Variants in CHCHD2 observed in about 807,000 individuals in gnomAD.
The protein encoded by CHCHD2 is coiled-coil-helix-coiled-coil-helix domain containing 2.
A neutral mutation model predicts 17.5 loss-of-function variants in CHCHD2; 17 were observed. The observed-to-expected ratio is 0.97, with a 90% CI of 0.67 to 1.46. The LOEUF (loss-of-function observed/expected upper bound fraction) is 1.46. CHCHD2 is among the 40% of genes most tolerant of loss of function. The pLI, the probability that CHCHD2 is intolerant of heterozygous loss-of-function variation, is 0.00. For synonymous variants in CHCHD2, 63 were observed against 74.3 expected, an observed-to-expected ratio of 0.85 and a Z score of 0.78; for missense variants, 175 against 199.9, an observed-to-expected ratio of 0.88 and a Z score of 0.75.
At chr7:56,102,736 G>T in intron 3 of CHCHD2, 131 bp downstream of exon 3, 1 of 947,408 alleles carries the variant, frequency 1.1e-6, no homozygotes, top group Non-Finnish European at 1.6e-6. Context: ...CGGCCCAGTT[G>T]TTAGGAGTTA....
chr7:56,104,316 A>T lies in CHCHD2; in HGVS notation c.210T>A (p.Ser70=). The change falls in exon 2 of 4, where the codon TCT becomes TCA. Residue 70 remains serine (S), a synonymous_variant. Coordinates refer to ENST00000395422, the MANE Select transcript of CHCHD2 (RefSeq NM_016139.4). ...CGTGACCCAATGTGTGCCCCACAGCAGAGCCCACAGCCACGCCAGCTGCAG... is the reference window on the plus strand; with the variant it reads ...CGTGACCCAATGTGTGCCCCACAGCTGAGCCCACAGCCACGCCAGCTGCAG... ...ATTAAGVAVG[S]AVGHTLGHAI... is the part of the protein sequence containing the mutation. The T allele has an allele frequency of 6.2e-7, 1 of 1,613,818 alleles. No homozygotes were observed. Among genetic ancestry groups the T allele is most frequent in the South Asian group, 1.1e-5 (1 of 91,078 alleles).
intron 3 of CHCHD2, chr7:56,102,576 C>G (rs1283124832): frequency 3.5e-6 from 1 of 283,620 alleles, no homozygotes; most frequent in East Asian, 7.9e-5. Context: ...CCATGTTGGC[C>G]AGGCTGGCCT....
At chr7:56,102,776 C>A in intron 3 of CHCHD2, 91 bp downstream of exon 3, 1 of 1,382,430 alleles carries the variant, frequency 7.2e-7, no homozygotes, top group South Asian at 1.2e-5. Context: ...AAAGTCTTCT[C>A]TAATTTATTA....
At chr7:56,106,232 C>G in intron 1 of CHCHD2, 132 bp downstream of exon 1, 1 of 742,126 alleles carries the variant, frequency 1.3e-6, no homozygotes, top group Admixed American at 3.1e-5. Flanking sequence ...TTCAATCTAC[C>G]CCCGCCTGGC....
rs780172272 is a variant in CHCHD2 at position 56,104,474 on chromosome 7, G to T, written c.52C>A (p.Arg18=). 1.3e-6 allele frequency: 2 copies of T among 1,550,718 alleles called. No individual in the cohort carries two copies. The highest frequency in any genetic ancestry group is 8.7e-7 in the Non-Finnish European group (1 of 1,144,364). ...RTSRMAPPAS[R]APQMRAAPRP... is the part of the protein sequence containing the mutation. ...GGTGCAGCTCTCATCTGAGGGGCCC[G>T]GCTGTGAAAGAAAAGAAAAAAACAT... The change falls in exon 2 of 4, where the codon CGG becomes AGG. Residue 18 remains arginine, a splice_region_variant and synonymous_variant. Transcript: ENST00000395422.
At chr7:56,102,046 G>C (rs1785294463) in intron 3 of CHCHD2, among the ~76,000 whole-genome samples, 185 bp from the exon 4 acceptor site, 1 of 151,804 alleles carries the variant, frequency 6.6e-6, no homozygotes, top group Non-Finnish European at 1.5e-5. Context: ...CGAACTCCTG[G>C]ACTCAAGCAA....
Position 56,106,464 on chromosome 7 carries a change from C to G in CHCHD2, c.-51G>C, listed in dbSNP as rs540264762. The stretch of plus-strand genomic sequence containing the variant: ...CGGACGTGGGACAACCACCGAAGAG[C>G]TAAGCGACTTCTGAGGAGACCGGAA... On this transcript the variant is annotated 5_prime_UTR_variant, in exon 1 of 4. Transcript: ENST00000395422. The G allele has an allele frequency of 4.4e-6, 7 of 1,582,812 alleles. No individual in the cohort carries two copies. The East Asian group carries it at 1.6e-4, about 36-fold the overall frequency.
chr7:56,104,532 G>T, intron 1 of CHCHD2, 57 bp from the exon 2 acceptor site: 1 of 1,452,182 alleles, frequency 6.9e-7, no homozygotes. Flanking sequence ...TTTGGAAATT[G>T]TCAACTTAAA....
rs190266344 is a variant in CHCHD2 at position 56,106,260 on chromosome 7, G to T, written c.50+104C>A. On this transcript the variant is annotated intron_variant, in intron 1 of 3. Transcript: ENST00000395422. ...CGCCTGGCAGAGGCGAGCCCACGCCGCAGCCGACCTTAGTTCACCCCCGCC... is the reference window on the plus strand; with the variant it reads ...CGCCTGGCAGAGGCGAGCCCACGCCTCAGCCGACCTTAGTTCACCCCCGCC... 4,598 of 1,078,294 alleles carry T rather than the reference G, an allele frequency of 4.3e-3. 22 individuals are homozygous for T. The highest frequency in any genetic ancestry group is 0.012 in the Middle Eastern group (38 of 3,266). 66.8% of individuals were successfully genotyped at this position (1,078,294 alleles called of 1,614,324 possible).
At position 56,102,887 on chromosome 7, in the gene CHCHD2, T is replaced by C. The variant is rs756808726; in HGVS notation, c.425A>G (p.Lys142Arg). 8 of 1,613,884 alleles carry C rather than the reference T, an allele frequency of 5.0e-6. No individual in the cohort carries two copies. Among genetic ancestry groups the C allele is most frequent in the Non-Finnish European group, 6.8e-6 (8 of 1,179,904 alleles). Residue 142 changes from lysine (K) to arginine (R), a missense_variant, in exon 3 of 4, where the codon AAA (lysine) becomes AGA (arginine). Physicochemically the swap from Lys to Arg is conservative, Grantham distance 26. Transcript: ENST00000395422. ...CCTACCGTTTGCAAGTCGGCACTGT[T>C]TCAGCACCTCATTGAAACCCTCACA... ...KLCEGFNEVL[K>R]QCRLANGLA is the part of the protein sequence containing the mutation.
intron 2 of CHCHD2, among the ~76,000 whole-genome samples, chr7:56,103,816 C>CCTAG (rs778578976): frequency 5.3e-5 from 8 of 152,200 alleles, no homozygotes; most frequent in Non-Finnish European, 8.8e-5. Flanking sequence ...CACACCTATG[C>CCTAG]TCATTAGACT....
intron 3 of CHCHD2, 143 bp from the exon 4 acceptor site, chr7:56,102,004 A>G: frequency 1.3e-6 from 1 of 783,626 alleles, no homozygotes; most frequent in Non-Finnish European, 2.1e-6. Flanking sequence ...AAAAATAGAG[A>G]TGAGGTCTTG....
intron 3 of CHCHD2, among the ~76,000 whole-genome samples, chr7:56,102,282 C>T (rs1257891649): frequency 6.6e-6 from 1 of 151,848 alleles, no homozygotes; most frequent in Non-Finnish European, 1.5e-5. Context: ...TATTCGCAGC[C>T]TTAAGGTTAG....
Position 56,101,607 on chromosome 7 carries a change from A to G in CHCHD2, c.*244T>C, listed in dbSNP as rs1341115862. On this transcript the variant is annotated 3_prime_UTR_variant, in exon 4 of 4. Transcript: ENST00000395422. ...AATGACTTTATTCTAATTAACTCACAAAGAATAAAATCATAACATAACAGC... is the reference window on the plus strand; with the variant it reads ...AATGACTTTATTCTAATTAACTCACGAAGAATAAAATCATAACATAACAGC... 8 of 457,274 alleles carry G rather than the reference A, an allele frequency of 1.7e-5. No individual in the cohort carries two copies. In the Admixed American group the frequency reaches 2.0e-4, roughly 12 times the overall value. 28.3% of individuals were successfully genotyped at this position (457,274 alleles called of 1,614,324 possible). A position where few individuals can be genotyped will look rare whatever the true frequency, so the allele number is the denominator to read the frequency against.
intron 1 of CHCHD2, among the ~76,000 whole-genome samples, 169 bp downstream of exon 1, chr7:56,106,195 C>T (rs1785380176): frequency 6.6e-6 from 1 of 152,162 alleles, no homozygotes; most frequent in Non-Finnish European, 1.5e-5. Context: ...AATTCCCTCC[C>T]CACACTCCCC....
chr7:56,106,448 G>T lies in CHCHD2; in HGVS notation c.-35C>A. 1 of 1,607,352 alleles carries T rather than the reference G, an allele frequency of 6.2e-7. No individual in the cohort carries two copies. The highest frequency in any genetic ancestry group is 8.5e-7 in the Non-Finnish European group (1 of 1,174,354). The stretch of plus-strand genomic sequence containing the variant: ...GCGACGGCTAGGCCTCCGGACGTGG[G>T]ACAACCACCGAAGAGCTAAGCGACT... On this transcript the variant is annotated 5_prime_UTR_variant, in exon 1 of 4. Transcript: ENST00000395422.
At chr7:56,104,797 C>A (rs553180570) in intron 1 of CHCHD2, among the ~76,000 whole-genome samples, 1 of 152,102 alleles carries the variant, frequency 6.6e-6, no homozygotes, top group African/African-American at 2.4e-5. Context: ...TTAGTTGAGA[C>A]GAGGTTTCAC....
intron 1 of CHCHD2, 68 bp downstream of exon 1, chr7:56,106,296 C>G: frequency 3.3e-6 from 5 of 1,508,564 alleles, no homozygotes; most frequent in Non-Finnish European, 4.5e-6. Context: ...CGCGGCCTCC[C>G]TCTGCGTCAT....
At chr7:56,103,219 CCTGTAA>C in intron 2 of CHCHD2, among the ~76,000 whole-genome samples, 1 of 152,314 alleles carries the variant, frequency 6.6e-6, no homozygotes, top group African/African-American at 2.4e-5. Context: ...GTGGCTCACG[CCTGTAA>C]TTCCAACACT....
Sources: gnomAD v4.1 joint callset for allele counts (sites outside exome capture counted in the v4.1 genomes callset) on GRCh38, gnomAD v4.1.1 for gene constraint, MANE v1.5 for transcripts, NCBI Gene and HGNC (gene_info 2026-07-23, HGNC 2026-07-21) for gene names.